Variants in GPR149 observed in about 807,000 individuals in gnomAD.
The protein encoded by GPR149 is probable G protein-coupled receptor 149.
In GPR149, 50 loss-of-function variants were observed where a neutral mutation model predicts 50.2. The observed-to-expected ratio is 1.00, with a 90% CI of 0.79 to 1.26. GPR149 has a LOEUF of 1.26. Among genes scored for constraint, GPR149 ranks in the 50% most tolerant of loss-of-function variants. The pLI is 0.00. For missense variants in GPR149, 983 were observed against 895.4 expected (o/e 1.10, Z -1.25); for synonymous variants, 405 against 358.2 (o/e 1.13, Z -1.48).
At chr3:154,397,513 G>A (rs1715321984) in intron 3 of GPR149, among the ~76,000 whole-genome samples, 1 of 151,932 alleles carries the variant, frequency 6.6e-6, no homozygotes. Context: ...AAAAACAAAG[G>A]CAATAAATAC....
At chr3:154,363,531 G>A (rs1714463184) in intron 3 of GPR149, among the ~76,000 whole-genome samples, 1 of 152,002 alleles carries the variant, frequency 6.6e-6, no homozygotes, top group Admixed American at 6.6e-5. Flanking sequence ...CTTCAACCTT[G>A]AGCCCATTTA....
chr3:154,386,068 T>C (rs1315551038), intron 3 of GPR149, among the ~76,000 whole-genome samples: 1 of 152,224 alleles, frequency 6.6e-6, no homozygotes, highest in East Asian at 1.9e-4. Flanking sequence ...GTTGAATGAA[T>C]ACATTATTAA....
chr3:154,369,040 A>G (rs1010076077), intron 3 of GPR149, among the ~76,000 whole-genome samples: 4 of 152,202 alleles, frequency 2.6e-5, no homozygotes, highest in Admixed American at 2.0e-4. Context: ...AATCCGGTAC[A>G]TGGAGGGCTC....
At chr3:154,424,383 G>T (rs1423427400) in intron 2 of GPR149, among the ~76,000 whole-genome samples, 1 of 151,750 alleles carries the variant, frequency 6.6e-6, no homozygotes, top group Non-Finnish European at 1.5e-5. Context: ...TGATAGGAAT[G>T]GTTTGTTAGG....
chr3:154,360,570 T>G (rs1714355557), intron 3 of GPR149, among the ~76,000 whole-genome samples: 1 of 152,202 alleles, frequency 6.6e-6, no homozygotes, highest in Admixed American at 6.5e-5. Flanking sequence ...GTGGTAGAAC[T>G]GGAATTCCAA....
intron 3 of GPR149, among the ~76,000 whole-genome samples, chr3:154,386,521 G>C (rs932535570): frequency 6.6e-5 from 10 of 152,198 alleles, no homozygotes; most frequent in African/African-American, 2.4e-4. Flanking sequence ...GAAGATCAGA[G>C]TTTCAAGGTT....
rs536194855 is a variant in GPR149, at chr3:154,338,849, G to A, written c.1624-578C>T. ...GCTACAAAGAGCGTACTTTTCCACA[G>A]AGAAATCAGTCATTAAAGTAAACCC... On this transcript the variant is annotated intron_variant, in intron 3 of 3. Transcript: ENST00000389740. 2.3e-3 allele frequency among the ~76,000 whole-genome samples: 356 copies of A among 152,198 alleles called. 2 individuals carry two copies. Among genetic ancestry groups the A allele is most frequent in the Non-Finnish European group, 4.1e-3 (282 of 68,014 alleles).
rs115696590 is a variant in GPR149, at chr3:154,412,411, G to A, written c.1623+8628C>T. On this transcript the variant is annotated intron_variant, in intron 3 of 3. Transcript: ENST00000389740. ...AGGAAGTCAAACTGTTGCTGTTTGC[G>A]ATGATCCTGGAAAACCCTAACGACT... Among the ~76,000 whole-genome samples, 847 of 151,272 alleles carry A rather than the reference G, an allele frequency of 5.6e-3. 6 individuals carry two copies. Among genetic ancestry groups the A allele is most frequent in the African/African-American group, 0.02 (814 of 41,374 alleles).
At chr3:154,424,962 A>C (rs1452479777) in intron 2 of GPR149, among the ~76,000 whole-genome samples, 2 of 151,880 alleles carry the variant, frequency 1.3e-5, no homozygotes, top group Admixed American at 6.6e-5. Flanking sequence ...ACGTCATGTC[A>C]GGCAAACAAA....
chr3:154,380,808 C>T (rs972647101), intron 3 of GPR149, among the ~76,000 whole-genome samples: 12 of 152,234 alleles, frequency 7.9e-5, no homozygotes, highest in Non-Finnish European at 1.6e-4. Flanking sequence ...ATCTTTTGAG[C>T]TAAGCCAATG....
Position 154,344,162 on chromosome 3 carries a change from C to T in GPR149, c.1624-5891G>A, listed in dbSNP as rs1351368921. On this transcript the variant is annotated intron_variant, in intron 3 of 3. Coordinates refer to ENST00000389740, the MANE Select transcript of GPR149 (RefSeq NM_001038705.3). ...TCTGTAATAAGTCAGATTATCCTCA[C>T]GAATTTTACTAGAAAACTGTTATAA... Among the ~76,000 whole-genome samples the T allele has an allele frequency of 3.3e-5, 5 of 152,226 alleles. No individual in the cohort carries two copies. In the East Asian group the frequency reaches 5.8e-4, roughly 18 times the overall value.
chr3:154,339,491 T>G (rs1713732826), intron 3 of GPR149, among the ~76,000 whole-genome samples: 1 of 152,194 alleles, frequency 6.6e-6, no homozygotes, highest in Non-Finnish European at 1.5e-5. Context: ...ATAATGGTAT[T>G]TTTCCAATTT....
At chr3:154,356,225 G>A (rs988499742) in intron 3 of GPR149, among the ~76,000 whole-genome samples, 5 of 152,144 alleles carry the variant, frequency 3.3e-5, no homozygotes, top group Admixed American at 2.0e-4. Flanking sequence ...TTTTCACGCT[G>A]CTATGAAGAC....
Position 154,337,585 on chromosome 3 carries a change from T to C in GPR149, c.*114A>G. On this transcript the variant is annotated 3_prime_UTR_variant, in exon 4 of 4. Coordinates refer to ENST00000389740, the MANE Select transcript of GPR149 (RefSeq NM_001038705.3). The stretch of plus-strand genomic sequence containing the variant: ...TCCCACAAAAAAATTAACTATTAAA[T>C]CAGTAAAACTAATGTAAGCCAACAA... 2.4e-6 allele frequency: 2 copies of C among 842,682 alleles called. No individual in the cohort carries two copies. Among genetic ancestry groups the C allele is most frequent in the Non-Finnish European group, 3.6e-6 (2 of 553,146 alleles). 52.2% of individuals were successfully genotyped at this position (842,682 alleles called of 1,614,324 possible).
chr3:154,414,783 A>T (rs558841217), intron 3 of GPR149, among the ~76,000 whole-genome samples: 36 of 152,104 alleles, frequency 2.4e-4, no homozygotes, highest in African/African-American at 8.7e-4. Context: ...TTCCAAAAAT[A>T]AAAAACAAAA....
At position 154,357,617 on chromosome 3, in the gene GPR149, G is replaced by A. The variant is rs1423885567; in HGVS notation, c.1624-19346C>T. 1.3e-4 allele frequency among the ~76,000 whole-genome samples: 20 copies of A among 152,188 alleles called. No homozygotes were observed. The East Asian group carries it at 1.4e-3, about 10-fold the overall frequency. ...ACCATCTCACACCAGTTAGAATGGC[G>A]ATCATTAAAAAGTCAGGAAACAACA... On this transcript the variant is annotated intron_variant, in intron 3 of 3. Coordinates refer to ENST00000389740, the MANE Select transcript of GPR149 (RefSeq NM_001038705.3).
chr3:154,387,423 T>C (rs572974394), intron 3 of GPR149, among the ~76,000 whole-genome samples: 38 of 152,332 alleles, frequency 2.5e-4, no homozygotes, highest in Non-Finnish European at 4.7e-4. Flanking sequence ...TTGGGCTCAA[T>C]GAATGTTTGT....
At chr3:154,372,576 G>T (rs1714690247) in intron 3 of GPR149, among the ~76,000 whole-genome samples, 1 of 152,080 alleles carries the variant, frequency 6.6e-6, no homozygotes, top group Admixed American at 6.6e-5. Context: ...TTGTTGTATT[G>T]GGGATTAAGT....
At chr3:154,378,197 C>T (rs887283031) in intron 3 of GPR149, among the ~76,000 whole-genome samples, 1 of 151,102 alleles carries the variant, frequency 6.6e-6, no homozygotes, top group African/African-American at 2.4e-5. Flanking sequence ...ATCCTTGTGC[C>T]TCAGCCACTG....
Sources: allele counts gnomAD v4.1 joint callset (sites outside exome capture counted in the v4.1 genomes callset), GRCh38; gene constraint gnomAD v4.1.1; transcripts MANE v1.5; gene names NCBI Gene and HGNC (gene_info 2026-07-23, HGNC 2026-07-21).